DAB2IP: variants seen among roughly 807,000 people sequenced by gnomAD.
DAB2IP encodes the protein DAB2 interacting protein.
In DAB2IP, 28 loss-of-function variants were observed where a neutral mutation model predicts 107.2. That is an observed-to-expected ratio of 0.26 (90% CI 0.19 to 0.36). The LOEUF is 0.36. Ranked by LOEUF, DAB2IP falls within the 10% of genes least tolerant of loss-of-function variation. The pLI, the probability that DAB2IP is intolerant of heterozygous loss-of-function variation, is 1.00. For synonymous variants in DAB2IP, 755 were observed against 706.4 expected, an observed-to-expected ratio of 1.07 and a Z score of -1.09; for missense variants, 1,400 against 1,644.7, an observed-to-expected ratio of 0.85 and a Z score of 2.57.
At chr9:121,783,739 G>T in exon 16 of DAB2IP, 1 of 754,922 alleles carries the variant, frequency 1.3e-6, no homozygotes, top group Non-Finnish European at 2.2e-6. Flanking sequence ...GGACCCAGGC[G>T]CTGCATACAG....
At chr9:121,732,817 G>A (rs1831624713) in intron 3 of DAB2IP, among the ~76,000 whole-genome samples, 1 of 152,214 alleles carries the variant, frequency 6.6e-6, no homozygotes, top group Non-Finnish European at 1.5e-5. Flanking sequence ...TTAGTAAAAT[G>A]TAGCATGGAT....
At chr9:121,700,571 G>A (rs146037777) in intron 3 of DAB2IP, among the ~76,000 whole-genome samples, 1 of 152,330 alleles carries the variant, frequency 6.6e-6, no homozygotes, top group East Asian at 1.9e-4. Flanking sequence ...CTGTAGGGGA[G>A]GCGTAGGTAG....
chr9:121,734,548 C>T (rs1164928908), intron 3 of DAB2IP, among the ~76,000 whole-genome samples: 3 of 152,238 alleles, frequency 2.0e-5, no homozygotes, highest in Non-Finnish European at 4.4e-5. Flanking sequence ...GATGCAGGCT[C>T]ATTTCTTGTT....
Position 121,651,844 on chromosome 9 carries a change from GC to G in DAB2IP, c.73del (p.Arg25GlyfsTer100), listed in dbSNP as rs1374235939. ...CCTACTACTACCGGCTGCTGAGGCGGCCCCGGCTGCAGCGACAGAGGAGCCG... is the reference window on the plus strand; with the variant it reads ...CCTACTACTACCGGCTGCTGAGGCGGCCCGGCTGCAGCGACAGAGGAGCCG... On this transcript the variant is annotated frameshift_variant, in exon 1 of 16. Coordinates refer to ENST00000408936, the Ensembl canonical transcript of DAB2IP. LOFTEE classifies it high-confidence loss of function. This position sits in a 1 kb window ranked among gnomAD's most constrained non-coding sequence, Gnocchi z 5.1. 2.0e-6 allele frequency: 3 copies of G among 1,469,490 alleles called. No homozygotes were observed. Among genetic ancestry groups the G allele is most frequent in the South Asian group, 2.6e-5 (2 of 76,140 alleles). 91.0% of individuals were successfully genotyped at this position (1,469,490 alleles called of 1,614,324 possible).
intron 3 of DAB2IP, chr9:121,742,906 G>A (rs908516289): frequency 1.0e-6 from 1 of 985,464 alleles, no homozygotes; most frequent in Non-Finnish European, 1.2e-6. Context: ...GCCTGGTGGT[G>A]GGGCACCTGT....
intron 1 of DAB2IP, among the ~76,000 whole-genome samples, chr9:121,676,635 G>GCACACACACACACACACA (rs35324441): frequency 0.16 from 23,637 of 150,324 alleles, 2,042 homozygotes; most frequent in Non-Finnish European, 0.2. Context: ...TTCTGCAGAC[G>GCACACACACACACACACA]CACACACACA....
At chr9:121,781,618 C>T in intron 15 of DAB2IP, 67 bp downstream of exon 15, 3 of 1,481,986 alleles carry the variant, frequency 2.0e-6, no homozygotes, top group South Asian at 1.1e-5. Flanking sequence ...GGGTGACTAG[C>T]CTCTCCATCC....
upstream of DAB2IP, among the ~76,000 whole-genome samples, chr9:121,650,753 C>A (rs985570912): frequency 1.3e-5 from 2 of 152,088 alleles, no homozygotes; most frequent in South Asian, 2.1e-4. Flanking sequence ...GGTGGAGGAG[C>A]TGGGTCCTGA....
chr9:121,683,412 C>T (rs1828696995), intron 2 of DAB2IP, among the ~76,000 whole-genome samples: 1 of 152,140 alleles, frequency 6.6e-6, no homozygotes, highest in Admixed American at 6.5e-5. Context: ...TCCCATCAAC[C>T]TTGAGGATGG....
chr9:121,672,191 C>CT (rs1316128547), intron 1 of DAB2IP, among the ~76,000 whole-genome samples: 1 of 152,168 alleles, frequency 6.6e-6, no homozygotes, highest in Non-Finnish European at 1.5e-5. Flanking sequence ...GCATCTGAGA[C>CT]TTTTAATTTG....
rs114396016 is a variant in DAB2IP at position 121,574,244 on chromosome 9, C to T, written c.40+7016C>T. 7.3e-4 allele frequency among the ~76,000 whole-genome samples: 111 copies of T among 152,256 alleles called. 1 individual carries two copies. The highest frequency in any genetic ancestry group is 6.8e-3 in the Middle Eastern group (2 of 294). ...CTTAGGCCTGCCCTCCCTCTGAGGC[C>T]TCCTCCTGGCTCTGCCACTCAGCTC... On this transcript the variant is annotated intron_variant, in intron 1 of 16. Coordinates refer to the DAB2IP transcript ENST00000259371.
rs762984127 is a variant in DAB2IP at position 121,760,313 on chromosome 9, C to T, written c.1044C>T (p.Phe348=). Residue 348 remains phenylalanine, a synonymous_variant, in exon 6 of 16, where the codon TTC becomes TTT. Transcript: ENST00000408936. The surrounding 1 kb of genome is among the most constrained non-coding windows in gnomAD (Gnocchi z 5.9). ...TGCCCATGGAGATGTACAAAGAGTT[C>T]GCTGAGCACATCACCAACCACTACC... The T allele has an allele frequency of 5.6e-6, 9 of 1,613,586 alleles. No individual in the cohort carries two copies. Among genetic ancestry groups the T allele is most frequent in the East Asian group, 2.2e-5 (1 of 44,858 alleles).
intron 1 of DAB2IP, among the ~76,000 whole-genome samples, chr9:121,607,673 C>T (rs1467533071): frequency 1.3e-5 from 2 of 152,176 alleles, no homozygotes; most frequent in Non-Finnish European, 2.9e-5. Flanking sequence ...CTGTCTCTGC[C>T]CCTGCCCCTG....
intron 1 of DAB2IP, among the ~76,000 whole-genome samples, chr9:121,655,903 G>A (rs1045152046): frequency 2.0e-5 from 3 of 152,028 alleles, no homozygotes; most frequent in South Asian, 2.1e-4. Context: ...TATCTTGCCC[G>A]CGTGGTGGGA....
At chr9:121,652,975 G>A (rs1031342242) in intron 1 of DAB2IP, among the ~76,000 whole-genome samples, 7 of 152,150 alleles carry the variant, frequency 4.6e-5, no homozygotes, top group Non-Finnish European at 7.3e-5. Flanking sequence ...TCCTCAGGAA[G>A]TAGTGAGTTC....
chr9:121,707,909 C>G (rs1830142460), intron 3 of DAB2IP, among the ~76,000 whole-genome samples: 1 of 152,196 alleles, frequency 6.6e-6, no homozygotes, highest in Non-Finnish European at 1.5e-5. Context: ...TTCCCTCTTT[C>G]CAACTTCACC....
rs555959752 is a variant in DAB2IP at position 121,770,722 on chromosome 9, C to T, written c.2076C>T (p.Ser692=). The change falls in exon 11 of 16, where the codon TCC becomes TCT. Residue 692 remains serine, a splice_region_variant and synonymous_variant. Coordinates refer to ENST00000408936, the Ensembl canonical transcript of DAB2IP. ...AGATGGTGATTGAGAACGATCTTTC[C>T]GGGTAAGAGCTGCCAGCCATGTTGG... is the stretch of plus-strand genomic sequence containing the variant. The T allele has an allele frequency of 4.0e-5, 64 of 1,613,676 alleles. No homozygotes were observed. The highest frequency in any genetic ancestry group is 1.6e-4 in the Middle Eastern group (1 of 6,062).
Position 121,671,421 on chromosome 9 carries a change from C to T in DAB2IP, c.125-7257C>T, listed in dbSNP as rs553675556. On this transcript the variant is annotated intron_variant, in intron 1 of 15. Coordinates refer to ENST00000408936, the Ensembl canonical transcript of DAB2IP. ...GATTTCCCATCTCAAAATCCTTAAC[C>T]TCAACCACATCTGCCAAGTTCCTTT... is the stretch of plus-strand genomic sequence containing the variant. Among the ~76,000 whole-genome samples the T allele has an allele frequency of 1.8e-4, 27 of 152,316 alleles. 1 individual carries two copies. The South Asian group carries it at 4.8e-3, about 27-fold the overall frequency.
At chr9:121,601,779 G>C (rs566510476) in intron 1 of DAB2IP, among the ~76,000 whole-genome samples, 1 of 152,302 alleles carries the variant, frequency 6.6e-6, no homozygotes, top group South Asian at 2.1e-4. Context: ...ACTTACCCAA[G>C]ATCCTACAAC....
Sources: gnomAD v4.1 joint callset for allele counts (sites outside exome capture counted in the v4.1 genomes callset) on GRCh38, gnomAD v4.1.1 for gene constraint, Gnocchi (gnomAD v3.1) non-coding constraint, MANE v1.5 for transcripts, NCBI Gene and HGNC (gene_info 2026-07-23, HGNC 2026-07-21) for gene names.